The following ZC3H12C variants were observed in gnomAD, a reference collection of about 807,000 sequenced individuals.
The protein encoded by ZC3H12C is probable ribonuclease ZC3H12C.
ZC3H12C carries 20 observed loss-of-function variants against 76.3 expected under a neutral mutation model. The observed-to-expected ratio is 0.26, with a 90% CI of 0.18 to 0.38. The LOEUF (loss-of-function observed/expected upper bound fraction) is 0.38. Ranked by LOEUF, ZC3H12C falls within the 10% of genes least tolerant of loss-of-function variation. The pLI is 1.00. For missense variants in ZC3H12C, 874 were observed against 1,086.5 expected (o/e 0.80, Z 2.75); for synonymous variants, 352 against 399.6 (o/e 0.88, Z 1.42).
chr11:110,137,211 T>C lies in ZC3H12C; in HGVS notation c.570T>C (p.Ala190=). 6.2e-7 allele frequency: 1 copy of C among 1,613,966 alleles called. No homozygotes were observed. The highest frequency in any genetic ancestry group is 8.5e-7 in the Non-Finnish European group (1 of 1,179,870). Residue 190 remains alanine (A), a synonymous_variant, in exon 2 of 6, where the codon GCT becomes GCC. Coordinates refer to ENST00000278590, the MANE Select transcript of ZC3H12C (RefSeq NM_033390.2). ...TACTAAACAAACTTGGTACTGATGC[T>C]TTAATCAATGATATTTTGGGAGAAC... ...QLVLNKLGTD[A]LINDILGELV...
At chr11:110,128,026 A>G (rs1861784781) in intron 1 of ZC3H12C, among the ~76,000 whole-genome samples, 1 of 152,050 alleles carries the variant, frequency 6.6e-6, no homozygotes, top group Admixed American at 6.5e-5. Context: ...CATACGTCAG[A>G]AAAAGTACAA....
At position 110,126,121 on chromosome 11, in the gene ZC3H12C, A is replaced by C. The variant is rs902033370; in HGVS notation, c.22-10542A>C. Among the ~76,000 whole-genome samples the C allele has an allele frequency of 3.3e-5, 5 of 151,936 alleles. No individual in the cohort carries two copies. The South Asian group carries it at 1.0e-3, about 32-fold the overall frequency. ...TTTATTTACCTATTGGTAGTTGCTT[A>C]GTATTTTTAGGAGCAAATATGATTT... On this transcript the variant is annotated intron_variant, in intron 1 of 5. Transcript: ENST00000278590.
At chr11:110,138,876 T>G (rs1386407419) in intron 2 of ZC3H12C, among the ~76,000 whole-genome samples, 1 of 152,172 alleles carries the variant, frequency 6.6e-6, no homozygotes, top group Non-Finnish European at 1.5e-5. Flanking sequence ...TTCTTTTGAT[T>G]TTAAGTCTTT....
At chr11:110,123,519 C>T (rs1000066502) in intron 1 of ZC3H12C, among the ~76,000 whole-genome samples, 2 of 152,124 alleles carry the variant, frequency 1.3e-5, no homozygotes, top group Non-Finnish European at 2.9e-5. Flanking sequence ...GTTTCTGGTT[C>T]CTAAACAGAA....
intron 1 of ZC3H12C, among the ~76,000 whole-genome samples, chr11:110,102,753 C>T (rs73549275): frequency 0.032 from 4,929 of 152,144 alleles, 157 homozygotes; most frequent in East Asian, 0.087. Flanking sequence ...ATTTCATTAT[C>T]ATCTTATATT....
chr11:110,137,232 A>G lies in ZC3H12C; in HGVS notation c.591A>G (p.Gly197=), dbSNP rs1247255076. The change falls in exon 2 of 6, where the codon GGA becomes GGG. Residue 197 remains glycine, a synonymous_variant. Coordinates refer to ENST00000278590, the MANE Select transcript of ZC3H12C (RefSeq NM_033390.2). Reference sequence around the variant, plus strand: ...ATGCTTTAATCAATGATATTTTGGGAGAACTTGTCAAACTTGGAAATAAAA... The same window carrying G: ...ATGCTTTAATCAATGATATTTTGGGGGAACTTGTCAAACTTGGAAATAAAA... ...GTDALINDIL[G]ELVKLGNKSE... is the part of the protein sequence containing the mutation. 1 of 1,613,954 alleles carries G rather than the reference A, an allele frequency of 6.2e-7. No individual in the cohort carries two copies. Among genetic ancestry groups the G allele is most frequent in the Non-Finnish European group, 8.5e-7 (1 of 1,179,874 alleles).
chr11:110,117,877 CA>C (rs1183486592), intron 1 of ZC3H12C, among the ~76,000 whole-genome samples: 2 of 39,888 alleles, frequency 5.0e-5, no homozygotes, highest in African/African-American at 1.4e-4. Context: ...TATACACACA[CA>C]TATATATATT....
intron 1 of ZC3H12C, among the ~76,000 whole-genome samples, chr11:110,100,803 T>G (rs142786719): frequency 6.6e-6 from 1 of 152,290 alleles, no homozygotes; most frequent in East Asian, 1.9e-4. Flanking sequence ...AATATTGAAA[T>G]TAGGCCAATG....
At chr11:110,121,182 G>T (rs1343881879) in intron 1 of ZC3H12C, among the ~76,000 whole-genome samples, 3 of 152,320 alleles carry the variant, frequency 2.0e-5, no homozygotes, top group Middle Eastern at 3.4e-3. Flanking sequence ...AAGTACCTGT[G>T]TTTGGCTGGA....
At chr11:110,130,432 A>G (rs985705735) in intron 1 of ZC3H12C, among the ~76,000 whole-genome samples, 11 of 152,038 alleles carry the variant, frequency 7.2e-5, no homozygotes, top group Non-Finnish European at 1.3e-4. Flanking sequence ...AAAACTACAC[A>G]TTTTCCACTA....
chr11:110,147,325 G>A (rs1205192027), intron 2 of ZC3H12C, among the ~76,000 whole-genome samples: 1 of 152,102 alleles, frequency 6.6e-6, no homozygotes, highest in Non-Finnish European at 1.5e-5. Flanking sequence ...CTTTAAAAAG[G>A]CATTTGAGTC....
In ZC3H12C at chr11:110,093,411, T is replaced by C; in HGVS notation, c.-1T>C. The C allele has an allele frequency of 8.3e-7, 1 of 1,197,850 alleles. No individual in the cohort carries two copies. Among genetic ancestry groups the C allele is most frequent in the South Asian group, 4.1e-5 (1 of 24,140 alleles). 74.2% of individuals were successfully genotyped at this position (1,197,850 alleles called of 1,614,324 possible). ...CTCGCCGCTTTCTCGCGGGGCTGGC[T>C]ATGCCGGGTGGCGGCTCCCAGGTTT... is the stretch of plus-strand genomic sequence containing the variant. On this transcript the variant is annotated 5_prime_UTR_variant, in exon 1 of 6. Coordinates refer to ENST00000278590, the MANE Select transcript of ZC3H12C (RefSeq NM_033390.2).
chr11:110,125,038 A>C (rs1407554685), intron 1 of ZC3H12C, among the ~76,000 whole-genome samples: 1 of 152,160 alleles, frequency 6.6e-6, no homozygotes, highest in Non-Finnish European at 1.5e-5. Context: ...TAAATGAATG[A>C]AACAATTGAG....
chr11:110,147,914 AATT>A (rs1282115779), intron 2 of ZC3H12C, among the ~76,000 whole-genome samples: 4 of 152,268 alleles, frequency 2.6e-5, no homozygotes, highest in African/African-American at 9.6e-5. Context: ...TAAGGCTAGC[AATT>A]TTCCCCCTTC....
intron 4 of ZC3H12C, among the ~76,000 whole-genome samples, chr11:110,160,364 T>C (rs1862458039): frequency 6.6e-6 from 1 of 151,868 alleles, no homozygotes; most frequent in South Asian, 2.1e-4. Flanking sequence ...CCTTGGCTTA[T>C]AACTTTTTTA....
Position 110,170,551 on chromosome 11 carries a change from A to G in ZC3H12C, c.*4814A>G, listed in dbSNP as rs1378729683. 6.6e-6 allele frequency: 1 copy of G among 152,202 alleles called. No homozygotes were observed. Among genetic ancestry groups the G allele is most frequent in the Non-Finnish European group, 1.5e-5 (1 of 68,012 alleles). 9.4% of individuals were successfully genotyped at this position (152,202 alleles called of 1,614,324 possible). ...GCTATAATGTGAGTGGCATGTTACA[A>G]TGTAACTCTTTATGAGAAATAAAAT... On this transcript the variant is annotated 3_prime_UTR_variant, in exon 6 of 6. Coordinates refer to ENST00000278590, the MANE Select transcript of ZC3H12C (RefSeq NM_033390.2).
At chr11:110,123,237 C>A (rs1861681513) in intron 1 of ZC3H12C, among the ~76,000 whole-genome samples, 1 of 152,184 alleles carries the variant, frequency 6.6e-6, no homozygotes, top group South Asian at 2.1e-4. Flanking sequence ...TACATCAGCA[C>A]TTTGGATGTC....
rs985674556 is a variant in ZC3H12C, at chr11:110,166,429, GTTAAT to G, written c.*698_*702del. On this transcript the variant is annotated 3_prime_UTR_variant, in exon 6 of 6. Transcript: ENST00000278590. Reference sequence around the variant, plus strand: ...GATTTTTTTTTCTGTTAAGAAATTAGTTAATTTAATATGGTCAATTTAAAAGAAAG... The same window carrying G: ...GATTTTTTTTTCTGTTAAGAAATTAGTTAATATGGTCAATTTAAAAGAAAG... 5.9e-5 allele frequency: 9 copies of G among 152,028 alleles called. No individual in the cohort carries two copies. Among genetic ancestry groups the G allele is most frequent in the Admixed American group, 4.6e-4 (7 of 15,256 alleles). 9.4% of individuals were successfully genotyped at this position (152,028 alleles called of 1,614,324 possible).
chr11:110,096,774 C>T (rs538936649), intron 1 of ZC3H12C, among the ~76,000 whole-genome samples: 16 of 152,130 alleles, frequency 1.1e-4, no homozygotes, highest in Non-Finnish European at 2.2e-4. Flanking sequence ...CTGCATAGTA[C>T]GACAGTAGTA....
Sources: gnomAD v4.1 joint callset for allele counts (sites outside exome capture counted in the v4.1 genomes callset) on GRCh38, gnomAD v4.1.1 for gene constraint, MANE v1.5 for transcripts, NCBI Gene and HGNC (gene_info 2026-07-23, HGNC 2026-07-21) for gene names.